PDLIM2: variants seen among roughly 807,000 people sequenced by gnomAD.
The protein encoded by PDLIM2 is PDZ and LIM domain protein 2.
Under a neutral mutation model 54.1 loss-of-function variants are expected in PDLIM2, and 51 were observed. The ratio of observed to expected loss-of-function variants is 0.94; its 90% confidence interval spans 0.75 to 1.19. The LOEUF is 1.19. PDLIM2 is among the 50% of genes most tolerant of loss of function. The pLI is 0.00. For synonymous variants in PDLIM2, 398 were observed against 385.6 expected (o/e 1.03, Z -0.38); for missense variants, 912 against 874.0 (o/e 1.04, Z -0.55).
chr8:22,590,181 TGA>T (rs567957421), intron 8 of PDLIM2: 339 of 172,714 alleles, frequency 2.0e-3, no homozygotes, highest in Non-Finnish European at 3.0e-3. Flanking sequence ...GGTGTGGGAG[TGA>T]GAGAATGGGG....
chr8:22,589,461 G>T, intron 7 of PDLIM2, 87 bp downstream of exon 6: 1 of 1,530,012 alleles, frequency 6.5e-7, no homozygotes, highest in East Asian at 2.5e-5. Context: ...GAGGGATGGG[G>T]TCCCCCAAGC....
intron 9 of PDLIM2, chr8:22,591,871 C>T: frequency 2.0e-6 from 1 of 500,658 alleles, no homozygotes; most frequent in Non-Finnish European, 3.5e-6. Flanking sequence ...CTGCTTCCGG[C>T]TGCATCTCCT....
intron 9 of PDLIM2, chr8:22,592,501 T>G (rs964096162): frequency 1.3e-5 from 2 of 152,184 alleles, no homozygotes; most frequent in Non-Finnish European, 2.9e-5. Context: ...GGCAGGTGAT[T>G]GACTTTAGGC....
chr8:22,585,855 G>A (rs1800365827), intron 6 of PDLIM2, among the ~76,000 whole-genome samples: 2 of 147,320 alleles, frequency 1.4e-5, no homozygotes, highest in South Asian at 4.5e-4. Flanking sequence ...GCCCAGAGAT[G>A]CCCCAGTGGG....
exon 3 of PDLIM2, chr8:22,581,392 G>A (rs1800197677): frequency 1.9e-6 from 3 of 1,603,554 alleles, no homozygotes; most frequent in South Asian, 1.1e-5. Context: ...GCCGAGCGGG[G>A]CAAAGCCAAG....
chr8:22,589,621 C>T lies in PDLIM2; in HGVS notation c.1393C>T (p.Leu465Phe), dbSNP rs1245328047. The T allele has an allele frequency of 3.7e-6, 6 of 1,601,168 alleles. No homozygotes were observed. The Admixed American group carries it at 1.0e-4, about 27-fold the overall frequency. Reference sequence around the variant, plus strand: ...CATGGACTCGGAAGGGGGAAGCCTCCTCCTGGACGAGGACTCGGAAGTCTT... The same window carrying T: ...CATGGACTCGGAAGGGGGAAGCCTCTTCCTGGACGAGGACTCGGAAGTCTT... Residue 465 changes from leucine to phenylalanine, a missense_variant, in exon 8 of 10, where the codon CTC becomes TTC. Physicochemically the swap from Leu to Phe is conservative, Grantham distance 22. Transcript: ENST00000308354.
chr8:22,581,578 C>T, intron 3 of PDLIM2, 48 bp downstream of exon 2: 1 of 1,527,142 alleles, frequency 6.5e-7, no homozygotes, highest in Non-Finnish European at 8.7e-7. Context: ...CCTCCTCCAC[C>T]ACCCCACGTA....
intron 1 of PDLIM2, 92 bp from the exon 1 acceptor site, chr8:22,580,383 G>T: frequency 8.4e-7 from 1 of 1,188,542 alleles, no homozygotes; most frequent in South Asian, 1.6e-5. Flanking sequence ...GACTAAGGAA[G>T]GGAGAACCCA....
chr8:22,581,506 C>T (rs541943461), exon 3 of PDLIM2: 12 of 1,593,420 alleles, frequency 7.5e-6, no homozygotes, highest in South Asian at 3.4e-5. Flanking sequence ...CAGAGCCCCT[C>T]GCCCCTGCGG....
At chr8:22,593,503 G>A (rs1304486405) in intron 9 of PDLIM2, 2 of 512,286 alleles carry the variant, frequency 3.9e-6, no homozygotes, top group African/African-American at 4.0e-5. Flanking sequence ...CTTGAACCCG[G>A]AAGGTAGAGA....
downstream of PDLIM2, chr8:22,594,309 C>T (rs1800636799): frequency 7.1e-7 from 1 of 1,416,008 alleles, no homozygotes; most frequent in Non-Finnish European, 9.2e-7. Context: ...GTAGATGTCC[C>T]TTCCTTCTTT....
At chr8:22,593,577 CAAAAAAAAAAAA>C (rs59345957) in intron 9 of PDLIM2, 144 bp from the exon 9 acceptor site, 29 of 390,386 alleles carry the variant, frequency 7.4e-5, no homozygotes, top group South Asian at 3.0e-4. Flanking sequence ...AACTCCATCT[CAAAAAAAAAAAA>C]AAAAAAAAAA....
Position 22,593,877 on chromosome 8 carries a change from C to G in PDLIM2, c.1776C>G (p.Tyr592Ter). The change falls in exon 10 of 10, where the codon TAC becomes TAG. Residue 592 changes from tyrosine to a stop codon, truncating the protein, a stop_gained. Coordinates refer to ENST00000308354, the Ensembl canonical transcript of PDLIM2. LOFTEE classifies it high-confidence loss of function. ...GTGAGAAGCATGCCCGCCAGCGCTA[C>G]TCCGCACCTGCCACCCTCAGCTCTC... The G allele has an allele frequency of 6.4e-7, 1 of 1,551,834 alleles. No individual in the cohort carries two copies. The highest frequency in any genetic ancestry group is 8.7e-7 in the Non-Finnish European group (1 of 1,148,046).
intron 8 of PDLIM2, chr8:22,591,301 A>G (rs17060926): frequency 0.024 from 13,773 of 566,556 alleles, 264 homozygotes; most frequent in African/African-American, 0.062. Flanking sequence ...TTCACCTGAC[A>G]CTGAGCACAG....
At chr8:22,583,656 C>T (rs1800277887) in intron 3 of PDLIM2, among the ~76,000 whole-genome samples, 1 of 151,766 alleles carries the variant, frequency 6.6e-6, no homozygotes, top group African/African-American at 2.4e-5. Flanking sequence ...GTCCCAGCTA[C>T]CTGGGGGGCT....
chr8:22,593,979 GA>G (rs1320698809), exon 10 of PDLIM2: 8 of 1,502,576 alleles, frequency 5.3e-6, no homozygotes, highest in Non-Finnish European at 7.1e-6. Flanking sequence ...GCATGGCAGG[GA>G]CAATGGTGGG....
chr8:22,594,891 A>G, downstream of PDLIM2: 1 of 453,820 alleles, frequency 2.2e-6, no homozygotes. Context: ...ATGCCACTGC[A>G]TTCCAGCCTG....
chr8:22,593,706 G>C (rs1213838083), intron 9 of PDLIM2, 27 bp from the exon 9 acceptor site: 56 of 1,549,218 alleles, frequency 3.6e-5, no homozygotes, highest in Non-Finnish European at 4.9e-5. Flanking sequence ...CTGTGGCTCT[G>C]AGCTAAAGCC....
At chr8:22,580,317 G>A in intron 1 of PDLIM2, 158 bp from the exon 1 acceptor site, 1 of 532,144 alleles carries the variant, frequency 1.9e-6, no homozygotes, top group Non-Finnish European at 3.2e-6. Context: ...GCTCCAGCAA[G>A]CCCCCTGCCT....
Sources: allele counts gnomAD v4.1 joint callset (sites outside exome capture counted in the v4.1 genomes callset), GRCh38; gene constraint gnomAD v4.1.1; transcripts MANE v1.5; gene names NCBI Gene and HGNC (gene_info 2026-07-23, HGNC 2026-07-21).